The following CELF2 variants were observed in gnomAD, a reference collection of about 807,000 sequenced individuals.
CELF2 encodes CUGBP Elav-like family member 2, also known as CUG triplet repeat RNA-binding protein 2.
Under a neutral mutation model 62.6 loss-of-function variants are expected in CELF2, and 8 were observed. The ratio of observed to expected loss-of-function variants is 0.13; its 90% confidence interval spans 0.07 to 0.23. The LOEUF is 0.23. Ranked by LOEUF, CELF2 falls within the 10% of genes least tolerant of loss-of-function variation. The pLI is 1.00. For synonymous variants in CELF2, 258 were observed against 250.0 expected (o/e 1.03, Z -0.30); for missense variants, 333 against 671.0 (o/e 0.50, Z 5.56).
intron 1 of CELF2, among the ~76,000 whole-genome samples, chr10:11,137,107 C>T (rs2060560630): frequency 6.6e-6 from 1 of 152,088 alleles, no homozygotes. Context: ...TGCACATGCA[C>T]ATGTGAAAAG....
At chr10:10,740,153 C>CTTTTTTT in the CELF2 span, among the ~76,000 whole-genome samples, 174 of 94,390 alleles carry the variant, frequency 1.8e-3, 3 homozygotes, top group Middle Eastern at 0.012. Flanking sequence ...GTTGCCTGTG[C>CTTTTTTT]TTTTTTTTTT....
At chr10:11,293,123 C>A (rs962620097) in intron 9 of CELF2, among the ~76,000 whole-genome samples, 1 of 152,232 alleles carries the variant, frequency 6.6e-6, no homozygotes, top group Non-Finnish European at 1.5e-5. Flanking sequence ...TCAGGCCACC[C>A]CCCGTAGCCC....
chr10:10,814,569 G>T (rs949411696), intron 1 of CELF2, among the ~76,000 whole-genome samples: 1 of 152,144 alleles, frequency 6.6e-6, no homozygotes, highest in Non-Finnish European at 1.5e-5. Context: ...TGCCTCTTGG[G>T]CCCCTCCATG....
rs574551719 is a variant in CELF2 at position 10,876,139 on chromosome 10, G to T, written c.54-43825G>T. ...GAGGTTTAGAATCATTTTTTATGAG[G>T]CTTATTCTAATCCCAGGGTTTGTGC... On this transcript the variant is annotated intron_variant, in intron 1 of 13. Coordinates refer to the CELF2 transcript ENST00000636488. 1.2e-4 allele frequency among the ~76,000 whole-genome samples: 19 copies of T among 152,222 alleles called. 1 individual carries two copies. The East Asian group carries it at 3.7e-3, about 29-fold the overall frequency.
In CELF2 at chr10:11,280,042, G is replaced by A. The variant is rs1273615491; in HGVS notation, c.841+4922G>A. 1.3e-5 allele frequency among the ~76,000 whole-genome samples: 2 copies of A among 152,208 alleles called. No homozygotes were observed. The highest frequency in any genetic ancestry group is 2.9e-5 in the Non-Finnish European group (2 of 68,056). On this transcript the variant is annotated intron_variant, in intron 8 of 12. Transcript: ENST00000633077. This position sits in a 1 kb window ranked among gnomAD's most constrained non-coding sequence, Gnocchi z 7.6. Reference sequence around the variant, plus strand: ...GAAAGGAACCGTTTGCCAAGCACGCGCCCTTGCCTCTCGGTCTGGTGCCCT... The same window carrying A: ...GAAAGGAACCGTTTGCCAAGCACGCACCCTTGCCTCTCGGTCTGGTGCCCT...
rs61830913 is a variant in CELF2, at chr10:11,246,519, A to G, written c.355-2634A>G. Reference sequence around the variant, plus strand: ...ATGACCAGTTGTTCACTGCCCCTCCACAGAACCTACTTCTGATAAATCCCG... The same window carrying G: ...ATGACCAGTTGTTCACTGCCCCTCCGCAGAACCTACTTCTGATAAATCCCG... On this transcript the variant is annotated intron_variant, in intron 3 of 12. Coordinates refer to ENST00000633077, the MANE Select transcript of CELF2 (RefSeq NM_001326342.2). The surrounding 1 kb of genome is among the most constrained non-coding windows in gnomAD (Gnocchi z 4.6). Among the ~76,000 whole-genome samples the G allele has an allele frequency of 0.011, 1,647 of 151,936 alleles. 17 individuals carry two copies. Among genetic ancestry groups the G allele is most frequent in the Middle Eastern group, 0.031 (9 of 292 alleles).
At chr10:10,917,952 C>T (rs183298452) in intron 1 of CELF2, 6 of 152,108 alleles carry the variant, frequency 3.9e-5, no homozygotes, top group South Asian at 2.1e-4. Flanking sequence ...AAATATGTAT[C>T]GTCTGGAAAG....
the CELF2 span, among the ~76,000 whole-genome samples, chr10:10,477,028 T>A: frequency 6.6e-6 from 1 of 152,216 alleles, no homozygotes; most frequent in Non-Finnish European, 1.5e-5. Context: ...AACTTAAAGA[T>A]ATTATTTCTT....
At chr10:10,927,808 CT>C (rs781035053) in intron 2 of CELF2, among the ~76,000 whole-genome samples, 1 of 152,122 alleles carries the variant, frequency 6.6e-6, no homozygotes, top group Admixed American at 6.6e-5. Context: ...GTTAAATGGC[CT>C]TTGAATTGGT....
At chr10:11,283,976 G>A (rs866354665) in intron 8 of CELF2, among the ~76,000 whole-genome samples, 28 of 146,040 alleles carry the variant, frequency 1.9e-4, no homozygotes, top group Non-Finnish European at 3.5e-4. Flanking sequence ...GGTGGATGAC[G>A]GATGAGTGTG....
chr10:11,061,299 A>T (rs2066667521), intron 1 of CELF2, among the ~76,000 whole-genome samples: 1 of 152,254 alleles, frequency 6.6e-6, no homozygotes, highest in Admixed American at 6.5e-5. Flanking sequence ...GCCAAAGCTT[A>T]ATCCAGAGCA....
rs1217297711 is a variant in CELF2, at chr10:11,309,889, G to A, written c.977-4250G>A. ...AAATAATTAGTTATCCTTAGGGGAA[G>A]TTACAGAGCCCTTTGTTCTTGTGAC... On this transcript the variant is annotated intron_variant, in intron 9 of 12. Coordinates refer to ENST00000633077, the MANE Select transcript of CELF2 (RefSeq NM_001326342.2). The surrounding 1 kb of genome is among the most constrained non-coding windows in gnomAD (Gnocchi z 5.6). 6.6e-6 allele frequency among the ~76,000 whole-genome samples: 1 copy of A among 152,200 alleles called. No individual in the cohort carries two copies. The highest frequency in any genetic ancestry group is 1.5e-5 in the Non-Finnish European group (1 of 68,034).
chr10:10,872,953 T>C (rs577971913), intron 1 of CELF2, among the ~76,000 whole-genome samples: 1 of 152,334 alleles, frequency 6.6e-6, no homozygotes, highest in Admixed American at 6.5e-5. Context: ...GGGTGACCTT[T>C]CTTGGTGGTT....
At chr10:11,184,239 C>G (rs930337051) in intron 2 of CELF2, among the ~76,000 whole-genome samples, 1 of 152,192 alleles carries the variant, frequency 6.6e-6, no homozygotes, top group African/African-American at 2.4e-5. Context: ...ACAGTCTGAC[C>G]TGCTCCAGTG....
chr10:10,560,007 T>C, the CELF2 span, among the ~76,000 whole-genome samples: 1 of 152,236 alleles, frequency 6.6e-6, no homozygotes, highest in Non-Finnish European at 1.5e-5. Context: ...GGCTTGAGGC[T>C]GGCTTACCAA....
chr10:10,602,375 G>A, the CELF2 span, among the ~76,000 whole-genome samples: 1 of 152,080 alleles, frequency 6.6e-6, no homozygotes, highest in Non-Finnish European at 1.5e-5. Flanking sequence ...ACATACCGGG[G>A]TTCACTCTTA....
intron 2 of CELF2, among the ~76,000 whole-genome samples, chr10:10,955,693 T>G (rs2048814349): frequency 6.6e-6 from 1 of 152,264 alleles, no homozygotes; most frequent in African/African-American, 2.4e-5. Flanking sequence ...ACCCAGATAG[T>G]CTGCCCCCAG....
At chr10:10,560,180 G>C in the CELF2 span, among the ~76,000 whole-genome samples, 1 of 152,176 alleles carries the variant, frequency 6.6e-6, no homozygotes, top group East Asian at 1.9e-4. Flanking sequence ...AACTCGAAAA[G>C]AGAACTTGAC....
At chr10:10,625,831 C>T in the CELF2 span, among the ~76,000 whole-genome samples, 1 of 152,168 alleles carries the variant, frequency 6.6e-6, no homozygotes, top group African/African-American at 2.4e-5. Context: ...GTGTTTGGGC[C>T]TCTATGCACC....
Sources: gnomAD v4.1 joint callset for allele counts (sites outside exome capture counted in the v4.1 genomes callset) on GRCh38, gnomAD v4.1.1 for gene constraint, Gnocchi (gnomAD v3.1) non-coding constraint, MANE v1.5 for transcripts, NCBI Gene and HGNC (gene_info 2026-07-23, HGNC 2026-07-21) for gene names.